Variants in MAPK4 observed in about 807,000 individuals in gnomAD.
MAPK4 encodes the protein Erk3-related.
Under a neutral mutation model 47.7 loss-of-function variants are expected in MAPK4, and 22 were observed. The ratio of observed to expected loss-of-function variants is 0.46; its 90% CI spans 0.33 to 0.66. The LOEUF (loss-of-function observed/expected upper bound fraction) is 0.66. MAPK4 is among the 30% of genes least tolerant of loss of function. The pLI, the probability that MAPK4 is intolerant of heterozygous loss-of-function variation, is 0.02. For synonymous variants in MAPK4, 390 were observed against 365.7 expected (o/e 1.07, Z -0.76); for missense variants, 736 against 831.7 (o/e 0.88, Z 1.42).
At chr18:50,597,706 T>C (rs1181881344) in intron 1 of MAPK4, among the ~76,000 whole-genome samples, 1 of 152,160 alleles carries the variant, frequency 6.6e-6, no homozygotes, top group East Asian at 1.9e-4. Flanking sequence ...ATGGGGGAAA[T>C]GCCTAATATA....
rs988223686 is a variant in MAPK4 at position 50,632,264 on chromosome 18, G to A, written c.-870-30825G>A. On this transcript the variant is annotated intron_variant, in intron 1 of 5. Coordinates refer to ENST00000400384, the MANE Select transcript of MAPK4 (RefSeq NM_002747.4). Reference sequence around the variant, plus strand: ...AAATTTCACGTGGCTGGGAGTTACCGTGGGCATTCTGTGGATTGCAGACTC... The same window carrying A: ...AAATTTCACGTGGCTGGGAGTTACCATGGGCATTCTGTGGATTGCAGACTC... Among the ~76,000 whole-genome samples, 6 of 152,180 alleles carry A rather than the reference G, an allele frequency of 3.9e-5. No homozygotes were observed. In the East Asian group the frequency reaches 9.6e-4, roughly 24 times the overall value.
intron 1 of MAPK4, among the ~76,000 whole-genome samples, chr18:50,647,529 C>G (rs10502910): frequency 0.019 from 2,839 of 152,296 alleles, 79 homozygotes; most frequent in African/African-American, 0.065. Flanking sequence ...GGTCTTCCTA[C>G]TGTGTCATTT....
chr18:50,661,120 A>C (rs1360205111), intron 1 of MAPK4, among the ~76,000 whole-genome samples: 1 of 152,182 alleles, frequency 6.6e-6, no homozygotes, highest in East Asian at 1.9e-4. Flanking sequence ...AGAAGCTGGA[A>C]AGGAAGAAGG....
chr18:50,705,409 C>CACAA (rs1426325515), intron 2 of MAPK4: 1 of 152,232 alleles, frequency 6.6e-6, no homozygotes, highest in African/African-American at 2.4e-5. Context: ...GCTGTGTGAA[C>CACAA]ACAAAGCCTT....
At chr18:50,718,062 C>T (rs1337861872) in intron 3 of MAPK4, among the ~76,000 whole-genome samples, 1 of 152,104 alleles carries the variant, frequency 6.6e-6, no homozygotes, top group Non-Finnish European at 1.5e-5. Context: ...CTAGAAGGGG[C>T]CCAGGACAGC....
chr18:50,610,925 C>A (rs1219652174), intron 1 of MAPK4, among the ~76,000 whole-genome samples: 1 of 152,152 alleles, frequency 6.6e-6, no homozygotes, highest in African/African-American at 2.4e-5. Context: ...TTGGTGAGGG[C>A]TGCTATTCTA....
intron 1 of MAPK4, among the ~76,000 whole-genome samples, chr18:50,588,996 G>A (rs1490686661): frequency 6.6e-6 from 1 of 152,176 alleles, no homozygotes; most frequent in Non-Finnish European, 1.5e-5. Flanking sequence ...TTTTTTACTA[G>A]CGTGTAGCAT....
At chr18:50,629,083 C>A (rs1051060490) in intron 1 of MAPK4, among the ~76,000 whole-genome samples, 1 of 152,188 alleles carries the variant, frequency 6.6e-6, no homozygotes, top group Admixed American at 6.5e-5. Flanking sequence ...TGCTTGACTT[C>A]GTTCTTTCTG....
intron 1 of MAPK4, among the ~76,000 whole-genome samples, chr18:50,585,206 G>T (rs1310890936): frequency 2.0e-5 from 3 of 152,236 alleles, no homozygotes; most frequent in Non-Finnish European, 4.4e-5. Flanking sequence ...CCACGGGCCA[G>T]CTGGACTGGC....
chr18:50,601,956 G>T (rs147137363), intron 1 of MAPK4, among the ~76,000 whole-genome samples: 3 of 152,162 alleles, frequency 2.0e-5, no homozygotes, highest in Non-Finnish European at 2.9e-5. Flanking sequence ...CTATGGAAAG[G>T]ACCCATTATT....
At chr18:50,694,436 A>T (rs1909397058) in intron 2 of MAPK4, among the ~76,000 whole-genome samples, 1 of 152,204 alleles carries the variant, frequency 6.6e-6, no homozygotes, top group African/African-American at 2.4e-5. Flanking sequence ...GCAAACTCCC[A>T]AATGAACTCC....
Position 50,691,608 on chromosome 18 carries a change from T to A in MAPK4, c.547-23471T>A, listed in dbSNP as rs569832208. On this transcript the variant is annotated intron_variant, in intron 2 of 5. Transcript: ENST00000400384. ...ACACACATATATGTGGTCATTTAAA[T>A]GCCATATGACATCCAAGTTGAGGCA... Among the ~76,000 whole-genome samples, 87 of 152,336 alleles carry A rather than the reference T, an allele frequency of 5.7e-4. 2 individuals carry two copies. The South Asian group carries it at 0.017, about 30-fold the overall frequency.
intron 1 of MAPK4, among the ~76,000 whole-genome samples, chr18:50,608,416 CTTG>C (rs2042601313): frequency 6.6e-6 from 1 of 152,164 alleles, no homozygotes; most frequent in South Asian, 2.1e-4. Flanking sequence ...GTTGAGAGTT[CTTG>C]TTGTTTATCA....
intron 2 of MAPK4, among the ~76,000 whole-genome samples, chr18:50,695,338 TAAAAAAAAA>T (rs59857315): frequency 2.4e-5 from 2 of 84,692 alleles, no homozygotes; most frequent in East Asian, 3.7e-4. Flanking sequence ...GGCTCCATCT[TAAAAAAAAA>T]AAAAAAAAAA....
At chr18:50,593,501 C>G (rs2042455719) in intron 1 of MAPK4, among the ~76,000 whole-genome samples, 5 of 152,222 alleles carry the variant, frequency 3.3e-5, no homozygotes, top group Admixed American at 3.3e-4. Context: ...TCTTTCTGAG[C>G]AGAGAGTCCT....
chr18:50,657,360 C>T (rs1396116344), intron 1 of MAPK4, among the ~76,000 whole-genome samples: 4 of 152,138 alleles, frequency 2.6e-5, no homozygotes, highest in African/African-American at 7.2e-5. Flanking sequence ...GACCAGGGAG[C>T]GCTATTGGCA....
At chr18:50,568,202 A>G (rs1484549476) in intron 1 of MAPK4, among the ~76,000 whole-genome samples, 2 of 151,976 alleles carry the variant, frequency 1.3e-5, no homozygotes, top group African/African-American at 2.4e-5. Flanking sequence ...TCCCAAAAAA[A>G]AAAAAAAAGA....
intron 2 of MAPK4, among the ~76,000 whole-genome samples, chr18:50,691,421 C>T (rs1429035643): frequency 6.6e-6 from 1 of 152,122 alleles, no homozygotes; most frequent in African/African-American, 2.4e-5. Context: ...GAACAAGAGT[C>T]TGACTTAACT....
chr18:50,610,900 T>C (rs1381501163), intron 1 of MAPK4, among the ~76,000 whole-genome samples: 1 of 152,208 alleles, frequency 6.6e-6, no homozygotes, highest in Non-Finnish European at 1.5e-5. Flanking sequence ...AATTGTCTAG[T>C]GCAAAGGACA....
Sources: gnomAD v4.1 joint callset for allele counts (sites outside exome capture counted in the v4.1 genomes callset) on GRCh38, gnomAD v4.1.1 for gene constraint, MANE v1.5 for transcripts, NCBI Gene and HGNC (gene_info 2026-07-23, HGNC 2026-07-21) for gene names.